The following MAML3 variants were observed in gnomAD, a reference collection of about 807,000 sequenced individuals.
The protein encoded by MAML3 is mastermind-like protein 3.
In MAML3, 27 loss-of-function variants were observed where a neutral mutation model predicts 101.9. The observed-to-expected ratio is 0.27, with a 90% CI of 0.20 to 0.37. The LOEUF (loss-of-function observed/expected upper bound fraction) is 0.37. Ranked by LOEUF, MAML3 falls within the 10% of genes least tolerant of loss-of-function variation. MAML3 has a pLI of 1.00. For synonymous variants in MAML3, 501 were observed against 555.9 expected (o/e 0.90, Z 1.39); for missense variants, 1,316 against 1,444.9 (o/e 0.91, Z 1.45).
At chr4:139,736,006 A>C (rs1412650097) in intron 2 of MAML3, among the ~76,000 whole-genome samples, 1 of 152,200 alleles carries the variant, frequency 6.6e-6, no homozygotes, top group Non-Finnish European at 1.5e-5. Flanking sequence ...TGGGAAGGAC[A>C]CGAGGACAGA....
At chr4:139,754,996 G>T (rs1464570039) in intron 2 of MAML3, among the ~76,000 whole-genome samples, 8 of 152,204 alleles carry the variant, frequency 5.3e-5, no homozygotes, top group Non-Finnish European at 8.8e-5. Flanking sequence ...TGCCTCTTCG[G>T]CGTGGCGAAT....
intron 2 of MAML3, among the ~76,000 whole-genome samples, chr4:139,769,916 C>CTTTTTTTTTTTTT (rs139445743): frequency 3.8e-5 from 5 of 132,292 alleles, no homozygotes; most frequent in African/African-American, 1.2e-4. Context: ...CGCCCAGCCT[C>CTTTTTTTTTTTTT]TTTTTTTTTT....
chr4:139,977,290 GAGTACGC>G (rs1480718297), intron 1 of MAML3, among the ~76,000 whole-genome samples: 17 of 152,094 alleles, frequency 1.1e-4, no homozygotes, highest in Non-Finnish European at 1.2e-4. Flanking sequence ...GAACATCCCA[GAGTACGC>G]AGGACGGCCC....
intron 2 of MAML3, among the ~76,000 whole-genome samples, chr4:139,859,665 C>A (rs887303159): frequency 6.6e-6 from 1 of 152,156 alleles, no homozygotes; most frequent in Non-Finnish European, 1.5e-5. Context: ...TATAGGCATT[C>A]TCTTATTTAA....
rs1247773237 is a variant in MAML3, at chr4:139,735,053, G to A, written c.2080-4386C>T. Among the ~76,000 whole-genome samples, 1 of 152,162 alleles carries A rather than the reference G, an allele frequency of 6.6e-6. No homozygotes were observed. Among genetic ancestry groups the A allele is most frequent in the Non-Finnish European group, 1.5e-5 (1 of 68,020 alleles). The stretch of plus-strand genomic sequence containing the variant: ...CCTCCCCTCGCAGATGGCTTAATCA[G>A]GGCTCCCGCCCGCCCCTCCGCGGCC... On this transcript the variant is annotated intron_variant, in intron 2 of 4. Transcript: ENST00000509479. The surrounding 1 kb of genome is among the most constrained non-coding windows in gnomAD (Gnocchi z 5.8).
At chr4:139,876,643 T>G (rs1732120723) in intron 2 of MAML3, among the ~76,000 whole-genome samples, 2 of 152,224 alleles carry the variant, frequency 1.3e-5, no homozygotes, top group Admixed American at 6.5e-5. Flanking sequence ...ATTGCACTGA[T>G]CTAAAACCTA....
intron 2 of MAML3, among the ~76,000 whole-genome samples, chr4:139,793,251 G>A (rs1001442911): frequency 1.3e-5 from 2 of 152,114 alleles, no homozygotes; most frequent in African/African-American, 4.8e-5. Context: ...AACCCAACCT[G>A]CTTACATCAG....
chr4:139,724,992 C>T (rs1182363967), intron 4 of MAML3, among the ~76,000 whole-genome samples: 1 of 152,120 alleles, frequency 6.6e-6, no homozygotes, highest in Non-Finnish European at 1.5e-5. Context: ...CTCCTGGCCT[C>T]AAGTGATCCG....
At chr4:139,884,249 G>C (rs1473056) in intron 2 of MAML3, among the ~76,000 whole-genome samples, 46,777 of 151,986 alleles carry the variant, frequency 0.31, 8,446 homozygotes, top group Non-Finnish European at 0.41. Context: ...TTGCAGCTCT[G>C]TTCTTTCTCT....
chr4:139,722,709 A>G (rs1291950373), intron 4 of MAML3, among the ~76,000 whole-genome samples: 2 of 152,220 alleles, frequency 1.3e-5, no homozygotes, highest in Non-Finnish European at 2.9e-5. Flanking sequence ...CTAATGAGGG[A>G]AAGACAGTCA....
At chr4:140,121,493 G>C (rs561440157) in intron 1 of MAML3, among the ~76,000 whole-genome samples, 1 of 152,338 alleles carries the variant, frequency 6.6e-6, no homozygotes, top group South Asian at 2.1e-4. Flanking sequence ...AAGGGAAAAA[G>C]AGGTGTTAGG....
chr4:139,828,436 G>A (rs6536502), intron 2 of MAML3, among the ~76,000 whole-genome samples: 11,770 of 152,238 alleles, frequency 0.077, 927 homozygotes, highest in African/African-American at 0.2. Context: ...CATCCCTTTA[G>A]ACAGAGAGAG....
rs545797832 is a variant in MAML3 at position 140,098,464 on chromosome 4, C to T, written c.468+54396G>A. Among the ~76,000 whole-genome samples, 29 of 152,312 alleles carry T rather than the reference C, an allele frequency of 1.9e-4. No individual in the cohort carries two copies. The South Asian group carries it at 2.5e-3, about 13-fold the overall frequency. On this transcript the variant is annotated intron_variant, in intron 1 of 4. Transcript: ENST00000509479. The stretch of plus-strand genomic sequence containing the variant: ...AAATATTTATTGAGCACCTCGTATA[C>T]GCCAGGCTGTGTTGTAAACACAGAG...
chr4:140,147,840 T>C (rs1729091169), intron 1 of MAML3, among the ~76,000 whole-genome samples: 1 of 152,178 alleles, frequency 6.6e-6, no homozygotes, highest in Non-Finnish European at 1.5e-5. Context: ...AGAATTACTA[T>C]TTAACATGCA....
chr4:140,037,893 T>C (rs540797511), intron 1 of MAML3, among the ~76,000 whole-genome samples: 1 of 152,374 alleles, frequency 6.6e-6, no homozygotes, highest in African/African-American at 2.4e-5. Context: ...GGGGCTCTCT[T>C]TGTGGTGATA....
At chr4:139,982,420 C>T (rs534539990) in intron 1 of MAML3, among the ~76,000 whole-genome samples, 14 of 152,110 alleles carry the variant, frequency 9.2e-5, no homozygotes, top group African/African-American at 3.4e-4. Context: ...CCACTTCCTT[C>T]AAGAAGCTAT....
At chr4:140,034,248 C>G (rs1250181445) in intron 1 of MAML3, among the ~76,000 whole-genome samples, 1 of 152,154 alleles carries the variant, frequency 6.6e-6, no homozygotes, top group Non-Finnish European at 1.5e-5. Flanking sequence ...ACAAACTGAT[C>G]CTTAGACTCA....
intron 1 of MAML3, among the ~76,000 whole-genome samples, chr4:140,133,570 T>C (rs1481269532): frequency 6.6e-6 from 1 of 152,008 alleles, no homozygotes; most frequent in Non-Finnish European, 1.5e-5. Flanking sequence ...ATAATTATAA[T>C]ACAAATCACA....
chr4:139,878,923 G>A (rs1001104597), intron 2 of MAML3, among the ~76,000 whole-genome samples: 1 of 152,162 alleles, frequency 6.6e-6, no homozygotes, highest in African/African-American at 2.4e-5. Context: ...AAGGAAAGCA[G>A]CCTGGCACTA....
Sources: gnomAD v4.1 joint callset for allele counts (sites outside exome capture counted in the v4.1 genomes callset) on GRCh38, gnomAD v4.1.1 for gene constraint, Gnocchi (gnomAD v3.1) non-coding constraint, MANE v1.5 for transcripts, NCBI Gene and HGNC (gene_info 2026-07-23, HGNC 2026-07-21) for gene names.